Variants in SORCS3 observed in about 807,000 individuals in gnomAD.
SORCS3 encodes VPS10 domain-containing receptor SorCS3.
Under a neutral mutation model 146.3 loss-of-function variants are expected in SORCS3, and 57 were observed. The observed-to-expected ratio is 0.39, with a 90% confidence interval of 0.31 to 0.49. SORCS3 has a LOEUF of 0.49. Ranked by LOEUF, SORCS3 falls within the 20% of genes least tolerant of loss-of-function variation. The probability of loss-of-function intolerance (pLI) is 0.92; values close to 1 mark genes in which losing one functional copy is unlikely to be tolerated. For synonymous variants in SORCS3, 653 were observed against 618.5 expected (o/e 1.06, Z -0.83); for missense variants, 1,341 against 1,575.5 (o/e 0.85, Z 2.52).
At chr10:105,018,054 G>A (rs1182040649) in intron 4 of SORCS3, among the ~76,000 whole-genome samples, 3 of 152,190 alleles carry the variant, frequency 2.0e-5, no homozygotes, top group East Asian at 1.9e-4. Flanking sequence ...ATTAGCCAAA[G>A]GTGAATTTAT....
At chr10:105,116,693 A>G (rs2055895826) in intron 7 of SORCS3, among the ~76,000 whole-genome samples, 1 of 152,188 alleles carries the variant, frequency 6.6e-6, no homozygotes, top group Non-Finnish European at 1.5e-5. Context: ...ACAGTGGAAT[A>G]CTATGCAGCC....
intron 2 of SORCS3, among the ~76,000 whole-genome samples, chr10:104,861,226 T>C (rs1323496929): frequency 6.6e-6 from 1 of 152,186 alleles, no homozygotes; most frequent in Non-Finnish European, 1.5e-5. Context: ...CTGCTTAATG[T>C]GCACACCCTT....
At chr10:104,815,226 G>A (rs146018830) in intron 1 of SORCS3, among the ~76,000 whole-genome samples, 8 of 152,192 alleles carry the variant, frequency 5.3e-5, no homozygotes, top group African/African-American at 1.7e-4. Context: ...TCAGGAGACC[G>A]AGGCCAGTGG....
At chr10:104,811,276 G>T (rs1320647075) in intron 1 of SORCS3, among the ~76,000 whole-genome samples, 3 of 152,204 alleles carry the variant, frequency 2.0e-5, no homozygotes, top group African/African-American at 7.2e-5. Context: ...ATGGGAGTGG[G>T]ACCTGCAAAC....
chr10:105,213,063 T>A (rs12250050), intron 17 of SORCS3, among the ~76,000 whole-genome samples: 51,087 of 152,070 alleles, frequency 0.34, 8,736 homozygotes, highest in South Asian at 0.49. Context: ...ATATTTCAAG[T>A]GCTCAGTAGC....
chr10:104,840,683 A>T, intron 1 of SORCS3, among the ~76,000 whole-genome samples: 1 of 152,326 alleles, frequency 6.6e-6, no homozygotes, highest in East Asian at 1.9e-4. Flanking sequence ...GGTTTTCCAG[A>T]TCTAGTGGTT....
chr10:104,784,651 C>T (rs1478194569), intron 1 of SORCS3, among the ~76,000 whole-genome samples: 1 of 152,178 alleles, frequency 6.6e-6, no homozygotes, highest in Non-Finnish European at 1.5e-5. Context: ...AGGATGTGGG[C>T]TGGGATGAAA....
At chr10:105,162,129 T>TCAGAGGA (rs1343061680) in intron 11 of SORCS3, among the ~76,000 whole-genome samples, 1 of 152,200 alleles carries the variant, frequency 6.6e-6, no homozygotes, top group Non-Finnish European at 1.5e-5. Context: ...TAGCTAGCCC[T>TCAGAGGA]CAGAGGACTT....
intron 14 of SORCS3, among the ~76,000 whole-genome samples, chr10:105,198,431 A>G (rs2056556146): frequency 6.6e-6 from 1 of 152,208 alleles, no homozygotes; most frequent in Admixed American, 6.5e-5. Flanking sequence ...GATGAGGCTT[A>G]TCAGTTTAAC....
rs1461551767 is a variant in SORCS3, at chr10:105,121,341, CAGAT to C, written c.1212+15828_1212+15831del. Among the ~76,000 whole-genome samples, 22 of 152,216 alleles carry C rather than the reference CAGAT, an allele frequency of 1.4e-4. 1 individual carries two copies. The highest frequency in any genetic ancestry group is 1.4e-3 in the East Asian group (7 of 5,178). On this transcript the variant is annotated intron_variant, in intron 7 of 26. Coordinates refer to ENST00000369701, the MANE Select transcript of SORCS3 (RefSeq NM_014978.3). ...TAATCTTCACAGGATCTCAATATGA[CAGAT>C]ATTATCTTTATTTTTCTATGGAGGA...
chr10:104,718,182 A>G (rs1051616986), intron 1 of SORCS3, among the ~76,000 whole-genome samples: 1 of 152,034 alleles, frequency 6.6e-6, no homozygotes, highest in Non-Finnish European at 1.5e-5. Context: ...AAATAAATAA[A>G]TAAGAGAAAG....
intron 5 of SORCS3, among the ~76,000 whole-genome samples, chr10:105,044,496 G>A (rs920108009): frequency 6.6e-6 from 1 of 152,104 alleles, no homozygotes; most frequent in Non-Finnish European, 1.5e-5. Context: ...TGTGATAGCC[G>A]TTTATGCCTT....
chr10:105,240,182 G>T (rs1467844202), intron 20 of SORCS3, among the ~76,000 whole-genome samples: 20 of 152,184 alleles, frequency 1.3e-4, no homozygotes. Context: ...GATCAAATCT[G>T]CTAGGACAGG....
At chr10:104,863,427 C>T (rs1189262934) in intron 2 of SORCS3, among the ~76,000 whole-genome samples, 8 of 152,168 alleles carry the variant, frequency 5.3e-5, no homozygotes, top group Non-Finnish European at 1.0e-4. Context: ...TCTGTTTTCT[C>T]CCATAGCTGT....
intron 1 of SORCS3, among the ~76,000 whole-genome samples, chr10:104,820,418 T>C (rs892654209): frequency 6.6e-6 from 1 of 152,256 alleles, no homozygotes; most frequent in African/African-American, 2.4e-5. Context: ...TTAACAGATG[T>C]TTATAAACAT....
intron 1 of SORCS3, among the ~76,000 whole-genome samples, chr10:104,696,979 T>G (rs1000455227): frequency 2.8e-4 from 42 of 150,382 alleles, no homozygotes; most frequent in African/African-American, 9.0e-4. Context: ...GTGGAGGATA[T>G]GGCGATACGT....
At chr10:105,163,128 A>AG (rs1482141763) in intron 11 of SORCS3, among the ~76,000 whole-genome samples, 4 of 152,114 alleles carry the variant, frequency 2.6e-5, no homozygotes, top group African/African-American at 9.7e-5. Context: ...CCCTGAGCCC[A>AG]GGGGTTATTT....
intron 4 of SORCS3, among the ~76,000 whole-genome samples, chr10:105,041,844 G>A (rs531266635): frequency 6.6e-6 from 1 of 152,184 alleles, no homozygotes; most frequent in Admixed American, 6.5e-5. Context: ...AAACTTGATA[G>A]CCACTCTGGC....
chr10:104,719,188 T>G (rs2016514639), intron 1 of SORCS3, among the ~76,000 whole-genome samples: 1 of 152,216 alleles, frequency 6.6e-6, no homozygotes, highest in Middle Eastern at 3.2e-3. Flanking sequence ...TGCTCCGTAA[T>G]TACATGTAGC....
Sources: allele counts gnomAD v4.1 joint callset (sites outside exome capture counted in the v4.1 genomes callset), GRCh38; gene constraint gnomAD v4.1.1; transcripts MANE v1.5; gene names NCBI Gene and HGNC (gene_info 2026-07-23, HGNC 2026-07-21).